The following OLA1 variants were observed in gnomAD, a reference collection of about 807,000 sequenced individuals.
OLA1 encodes Obg like ATPase 1, also known as obg-like ATPase 1.
Under a neutral mutation model 48.4 loss-of-function variants are expected in OLA1, and 14 were observed. The ratio of observed to expected loss-of-function variants is 0.29; its 90% CI spans 0.19 to 0.45. The LOEUF (loss-of-function observed/expected upper bound fraction) is 0.45, where lower values mean the gene tolerates loss of function less well. Among genes scored for constraint, OLA1 ranks in the 20% least tolerant of loss-of-function variants. The pLI, the probability that OLA1 is intolerant of heterozygous loss-of-function variation, is 1.00. For missense variants in OLA1, 325 were observed against 467.1 expected, an observed-to-expected ratio of 0.70 and a Z score of 2.80; for synonymous variants, 127 against 150.4, an observed-to-expected ratio of 0.84 and a Z score of 1.14.
intron 2 of OLA1, among the ~76,000 whole-genome samples, chr2:174,230,871 G>A (rs899460339): frequency 1.3e-5 from 2 of 152,134 alleles, no homozygotes; most frequent in African/African-American, 4.8e-5. Context: ...TGTTTGAAGG[G>A]TCTGGGATTC....
chr2:174,157,676 T>C (rs1486211414), intron 4 of OLA1, among the ~76,000 whole-genome samples: 1 of 152,182 alleles, frequency 6.6e-6, no homozygotes, highest in Admixed American at 6.5e-5. Context: ...TTATTCATAA[T>C]GTCAATGGAT....
At chr2:174,093,321 T>C (rs929248026) in intron 7 of OLA1, among the ~76,000 whole-genome samples, 8 of 151,776 alleles carry the variant, frequency 5.3e-5, no homozygotes, top group African/African-American at 1.5e-4. Context: ...ATAAAAAAAT[T>C]AGCCAGGCAT....
chr2:174,187,026 T>G (rs577227786), intron 4 of OLA1, among the ~76,000 whole-genome samples: 1 of 152,194 alleles, frequency 6.6e-6, no homozygotes, highest in East Asian at 1.9e-4. Context: ...AGTATCACAG[T>G]GAACACATGC....
intron 10 of OLA1, among the ~76,000 whole-genome samples, chr2:174,078,103 G>A (rs1444604308): frequency 2.0e-5 from 3 of 151,902 alleles, no homozygotes; most frequent in Non-Finnish European, 4.4e-5. Context: ...TTAAAGTCCT[G>A]CTGTTCGGTA....
chr2:174,182,501 T>C (rs537414267), intron 4 of OLA1, among the ~76,000 whole-genome samples: 37 of 152,212 alleles, frequency 2.4e-4, no homozygotes, highest in African/African-American at 7.7e-4. Flanking sequence ...AACTCCAGCC[T>C]GGGCAACAAG....
At chr2:174,155,040 A>G (rs1248943816) in intron 4 of OLA1, among the ~76,000 whole-genome samples, 2 of 152,202 alleles carry the variant, frequency 1.3e-5, no homozygotes, top group Non-Finnish European at 2.9e-5. Context: ...GTATCTCCAT[A>G]GCAATATGCC....
rs76380763 is a variant in OLA1, at chr2:174,086,906, G to A, written c.729-4842C>T. ...AAGGGGGAGCTGCTATATTAGCTCC[G>A]TTTTCTCTGAAGGCCATGCACCATC... On this transcript the variant is annotated intron_variant, in intron 7 of 10. Coordinates refer to ENST00000284719, the MANE Select transcript of OLA1 (RefSeq NM_013341.5). Among the ~76,000 whole-genome samples, 414 of 152,226 alleles carry A rather than the reference G, an allele frequency of 2.7e-3. 1 individual carries two copies. Among genetic ancestry groups the A allele is most frequent in the African/African-American group, 9.0e-3 (374 of 41,530 alleles).
At chr2:174,236,126 CCA>C (rs1399632333) in intron 2 of OLA1, among the ~76,000 whole-genome samples, 3 of 151,804 alleles carry the variant, frequency 2.0e-5, no homozygotes, top group Non-Finnish European at 4.4e-5. Flanking sequence ...AACATAAAAT[CCA>C]CAGTGTATAG....
intron 4 of OLA1, among the ~76,000 whole-genome samples, chr2:174,174,792 C>T (rs991992407): frequency 6.6e-5 from 10 of 151,464 alleles, no homozygotes; most frequent in Non-Finnish European, 1.3e-4. Flanking sequence ...TACAGAAATG[C>T]AAAGGAACTA....
chr2:174,245,494 T>G (rs1689106399), intron 2 of OLA1, among the ~76,000 whole-genome samples: 1 of 152,226 alleles, frequency 6.6e-6, no homozygotes, highest in Non-Finnish European at 1.5e-5. Flanking sequence ...AAGGCCACCC[T>G]TGATCACTTT....
intron 4 of OLA1, among the ~76,000 whole-genome samples, chr2:174,210,470 G>C (rs1408714734): frequency 1.3e-5 from 2 of 151,910 alleles, no homozygotes; most frequent in African/African-American, 4.8e-5. Flanking sequence ...TTAAGTAATA[G>C]CATTTGTTTG....
intron 7 of OLA1, among the ~76,000 whole-genome samples, chr2:174,102,875 A>G (rs1685428074): frequency 2.0e-5 from 3 of 152,170 alleles, no homozygotes; most frequent in Admixed American, 2.0e-4. Context: ...TCAAAAACTC[A>G]ATTTGTGAAT....
chr2:174,192,912 G>C (rs1378461895), intron 4 of OLA1, among the ~76,000 whole-genome samples: 1 of 151,990 alleles, frequency 6.6e-6, no homozygotes, highest in East Asian at 1.9e-4. Flanking sequence ...GGGTGCCTTA[G>C]AGATTTTCTT....
intron 4 of OLA1, among the ~76,000 whole-genome samples, chr2:174,146,647 C>T (rs540572500): frequency 7.2e-5 from 11 of 152,038 alleles, no homozygotes; most frequent in African/African-American, 2.7e-4. Context: ...GAAGGACTGA[C>T]CTAAAGTCAG....
intron 5 of OLA1, among the ~76,000 whole-genome samples, chr2:174,135,752 C>T (rs887645928): frequency 1.3e-5 from 2 of 152,036 alleles, no homozygotes; most frequent in Non-Finnish European, 2.9e-5. Context: ...ACACAACAGT[C>T]TAAAGAGAAG....
chr2:174,184,862 T>G (rs1327016320), intron 4 of OLA1, among the ~76,000 whole-genome samples: 1 of 152,192 alleles, frequency 6.6e-6, no homozygotes, highest in Non-Finnish European at 1.5e-5. Context: ...CATAATATGT[T>G]CTCAAGTTGT....
At chr2:174,102,972 G>A (rs543502423) in intron 7 of OLA1, among the ~76,000 whole-genome samples, 118 of 152,222 alleles carry the variant, frequency 7.8e-4, no homozygotes, top group African/African-American at 2.2e-3. Flanking sequence ...AAGTGACAAT[G>A]AGTAATATGC....
At chr2:174,215,718 A>G (rs1328219401) in intron 4 of OLA1, among the ~76,000 whole-genome samples, 2 of 152,206 alleles carry the variant, frequency 1.3e-5, no homozygotes. Context: ...AACCATTCAC[A>G]TTTAAGGGAA....
intron 4 of OLA1, among the ~76,000 whole-genome samples, chr2:174,200,580 A>T (rs1244298073): frequency 6.6e-6 from 1 of 152,162 alleles, no homozygotes; most frequent in Non-Finnish European, 1.5e-5. Flanking sequence ...ACTTGAAGAG[A>T]TTCCCCTGGA....
Sources: allele counts gnomAD v4.1 joint callset (sites outside exome capture counted in the v4.1 genomes callset), GRCh38; gene constraint gnomAD v4.1.1; transcripts MANE v1.5; gene names NCBI Gene and HGNC (gene_info 2026-07-23, HGNC 2026-07-21).